The following ARHGAP24 variants were observed in gnomAD, a reference collection of about 807,000 sequenced individuals.
The protein encoded by ARHGAP24 is rho GTPase-activating protein 24.
In ARHGAP24, 50 loss-of-function variants were observed where a neutral mutation model predicts 76.4. The observed-to-expected ratio is 0.65, with a 90% CI of 0.52 to 0.83. The LOEUF (loss-of-function observed/expected upper bound fraction) is 0.83, where lower values mean the gene tolerates loss of function less well. Ranked by LOEUF, ARHGAP24 falls within the 40% of genes least tolerant of loss-of-function variation. The pLI, the probability that ARHGAP24 is intolerant of heterozygous loss-of-function variation, is 0.00. For synonymous variants in ARHGAP24, 345 were observed against 323.3 expected (o/e 1.07, Z -0.72); for missense variants, 930 against 914.2 (o/e 1.02, Z -0.22).
At position 85,995,583 on chromosome 4, in the gene ARHGAP24, A is replaced by G. The variant is rs1263022570; in HGVS notation, c.1929A>G (p.Ala643=). The change falls in exon 9 of 10, where the codon GCA becomes GCG. Residue 643 remains alanine (A), a synonymous_variant. Coordinates refer to ENST00000395184, the MANE Select transcript of ARHGAP24 (RefSeq NM_001025616.3). ...FVGNSSSNHS[A]LHSLVSSLKQ... is the part of the protein sequence containing the mutation. ...GCAACAGCAGCAGCAACCACAGTGC[A>G]CTGCACAGTTTAGTTTCCAGCCTGA... The G allele has an allele frequency of 3.1e-6, 5 of 1,613,982 alleles. No homozygotes were observed. Among genetic ancestry groups the G allele is most frequent in the African/African-American group, 2.7e-5 (2 of 75,026 alleles).
Position 85,487,259 on chromosome 4 carries a change from A to T in ARHGAP24, c.-21+11700A>T, listed in dbSNP as rs533257035. Among the ~76,000 whole-genome samples the T allele has an allele frequency of 1.0e-3, 129 of 125,656 alleles. 1 individual carries two copies. The highest frequency in any genetic ancestry group is 3.9e-3 in the African/African-American group (125 of 32,090). The allele number at this position is 125,656 out of a possible 152,430, so 82.4% of individuals were successfully genotyped here. A position where few individuals can be genotyped will look rare whatever the true frequency, so the allele number is the denominator to read the frequency against. On this transcript the variant is annotated intron_variant, in intron 1 of 9. Transcript: ENST00000395184. Reference sequence around the variant, plus strand: ...TATATATAGTAAATATATATTTATTATATATAAATATATATTTATTTTATA... The same window carrying T: ...TATATATAGTAAATATATATTTATTTTATATAAATATATATTTATTTTATA...
chr4:85,969,926 A>C (rs1738874559), intron 5 of ARHGAP24, among the ~76,000 whole-genome samples: 2 of 152,180 alleles, frequency 1.3e-5, no homozygotes, highest in African/African-American at 4.8e-5. Flanking sequence ...TATAGTGTTT[A>C]TCAGTTCAGA....
At chr4:85,945,095 C>T (rs899267527) in intron 5 of ARHGAP24, among the ~76,000 whole-genome samples, 1 of 151,988 alleles carries the variant, frequency 6.6e-6, no homozygotes, top group African/African-American at 2.4e-5. Context: ...ATCCACCCGA[C>T]TCAGCCTCCC....
chr4:85,784,856 A>G (rs1235007169), intron 3 of ARHGAP24, among the ~76,000 whole-genome samples: 2 of 151,804 alleles, frequency 1.3e-5, no homozygotes, highest in East Asian at 1.9e-4. Flanking sequence ...ATCCTTTTCT[A>G]CTACAGTCTA....
At chr4:85,804,927 T>A (rs1728726980) in intron 3 of ARHGAP24, among the ~76,000 whole-genome samples, 1 of 152,206 alleles carries the variant, frequency 6.6e-6, no homozygotes, top group Non-Finnish European at 1.5e-5. Context: ...GTACCCACCA[T>A]AGCTTTTGTT....
intron 2 of ARHGAP24, among the ~76,000 whole-genome samples, chr4:85,710,294 T>C (rs1724477117): frequency 6.6e-6 from 1 of 152,178 alleles, no homozygotes; most frequent in Non-Finnish European, 1.5e-5. Flanking sequence ...GATAACTGGC[T>C]AGCCATATGC....
At chr4:85,896,167 T>C (rs1157204382) in intron 3 of ARHGAP24, among the ~76,000 whole-genome samples, 2 of 152,246 alleles carry the variant, frequency 1.3e-5, no homozygotes, top group African/African-American at 4.8e-5. Flanking sequence ...ATTTCTATGT[T>C]TTAATGAAAG....
At chr4:85,912,849 T>C (rs1208394130) in intron 3 of ARHGAP24, among the ~76,000 whole-genome samples, 1 of 152,016 alleles carries the variant, frequency 6.6e-6, no homozygotes, top group Non-Finnish European at 1.5e-5. Context: ...AACTGCTCAA[T>C]GCTATTTTTT....
At chr4:85,779,476 C>A (rs1054717792) in intron 3 of ARHGAP24, among the ~76,000 whole-genome samples, 2 of 152,150 alleles carry the variant, frequency 1.3e-5, no homozygotes, top group Admixed American at 6.5e-5. Context: ...CTTGGTAGAT[C>A]TGACCTGGGA....
intron 1 of ARHGAP24, among the ~76,000 whole-genome samples, chr4:85,569,652 G>GA (rs1389371746): frequency 6.6e-6 from 1 of 152,112 alleles, no homozygotes; most frequent in Non-Finnish European, 1.5e-5. Flanking sequence ...TAGGAGAAAG[G>GA]AAAAAACTAT....
intron 5 of ARHGAP24, among the ~76,000 whole-genome samples, chr4:85,966,370 C>A (rs894969660): frequency 6.6e-6 from 1 of 152,142 alleles, no homozygotes; most frequent in African/African-American, 2.4e-5. Flanking sequence ...GATAATTCTA[C>A]TGGGACAAGC....
chr4:85,737,153 G>A lies in ARHGAP24; in HGVS notation c.268+15181G>A, dbSNP rs539737031. ...TTGTTTGTTTGTTTGTTTTTTGCAT[G>A]ATGGTATAACCTTCCTTCTCTAAAT... On this transcript the variant is annotated intron_variant, in intron 3 of 9. Transcript: ENST00000395184. Among the ~76,000 whole-genome samples, 16 of 152,140 alleles carry A rather than the reference G, an allele frequency of 1.1e-4. No individual in the cohort carries two copies. In the South Asian group the frequency reaches 3.3e-3, roughly 32 times the overall value.
At chr4:85,666,290 T>C (rs965714781) in intron 2 of ARHGAP24, among the ~76,000 whole-genome samples, 1 of 152,230 alleles carries the variant, frequency 6.6e-6, no homozygotes, top group Admixed American at 6.5e-5. Context: ...TGATACCCTT[T>C]CTTCCAGTTG....
intron 3 of ARHGAP24, among the ~76,000 whole-genome samples, chr4:85,862,935 GTCTC>G (rs1416790109): frequency 1.3e-5 from 2 of 152,204 alleles, no homozygotes; most frequent in African/African-American, 4.8e-5. Flanking sequence ...CTCCTGAAAT[GTCTC>G]TCTCTCATTC....
intron 1 of ARHGAP24, among the ~76,000 whole-genome samples, chr4:85,535,570 A>G (rs1413853109): frequency 6.6e-6 from 1 of 152,218 alleles, no homozygotes; most frequent in Non-Finnish European, 1.5e-5. Context: ...TGATTTGGTT[A>G]TGGTGAATAA....
chr4:85,583,577 A>C (rs1044822322), intron 2 of ARHGAP24, among the ~76,000 whole-genome samples: 2 of 151,990 alleles, frequency 1.3e-5, no homozygotes, highest in African/African-American at 2.4e-5. Context: ...GCAACAAAAG[A>C]CAAAATTGAC....
chr4:85,725,607 C>T (rs987680270), intron 3 of ARHGAP24, among the ~76,000 whole-genome samples: 1 of 152,228 alleles, frequency 6.6e-6, no homozygotes, highest in Non-Finnish European at 1.5e-5. Context: ...TCGTTACAGA[C>T]TTTCCTCTCT....
At chr4:85,975,813 C>T (rs961626353) in intron 7 of ARHGAP24, 2 of 152,116 alleles carry the variant, frequency 1.3e-5, no homozygotes, top group Non-Finnish European at 2.9e-5. Context: ...ATTAGATAAG[C>T]GTTCAAGGGA....
At chr4:85,869,287 G>T (rs182804655) in intron 3 of ARHGAP24, among the ~76,000 whole-genome samples, 21 of 152,256 alleles carry the variant, frequency 1.4e-4, no homozygotes, top group African/African-American at 5.1e-4. Context: ...GGGCTGCTGC[G>T]CTCCAGGAGG....
Sources: gnomAD v4.1 joint callset for allele counts (sites outside exome capture counted in the v4.1 genomes callset) on GRCh38, gnomAD v4.1.1 for gene constraint, MANE v1.5 for transcripts, NCBI Gene and HGNC (gene_info 2026-07-23, HGNC 2026-07-21) for gene names.